The following PTDSS2 variants were observed in gnomAD, a reference collection of about 807,000 sequenced individuals.
PTDSS2 encodes phosphatidylserine synthase 2.
PTDSS2 carries 41 observed loss-of-function variants against 64.7 expected under a neutral mutation model. The observed-to-expected ratio is 0.63, with a 90% CI of 0.49 to 0.82. The LOEUF (loss-of-function observed/expected upper bound fraction) is 0.82. Ranked by LOEUF, PTDSS2 falls within the 40% of genes least tolerant of loss-of-function variation. The probability of loss-of-function intolerance (pLI) is 0.00; values close to 1 mark genes in which losing one functional copy is unlikely to be tolerated. For synonymous variants in PTDSS2, 297 were observed against 277.8 expected (o/e 1.07, Z -0.69); for missense variants, 485 against 650.0 (o/e 0.75, Z 2.76).
rs1474574474 is a variant in PTDSS2, at chr11:461,394, A to G, written c.284+1106A>G. Among the ~76,000 whole-genome samples, 1 of 152,098 alleles carries G rather than the reference A, an allele frequency of 6.6e-6. No individual in the cohort carries two copies. Among genetic ancestry groups the G allele is most frequent in the Non-Finnish European group, 1.5e-5 (1 of 68,016 alleles). On this transcript the variant is annotated intron_variant, in intron 2 of 11. Transcript: ENST00000308020. The surrounding 1 kb of genome is among the most constrained non-coding windows in gnomAD (Gnocchi z 4.2). ...GATGCTTTAGAATCACGCACAGCAGACCTCATAACTGAGTCCATCTCCCTG... is the reference window on the plus strand; with the variant it reads ...GATGCTTTAGAATCACGCACAGCAGGCCTCATAACTGAGTCCATCTCCCTG...
At chr11:485,608 C>T (rs1848321752) in intron 4 of PTDSS2, among the ~76,000 whole-genome samples, 1 of 130,402 alleles carries the variant, frequency 7.7e-6, no homozygotes, top group South Asian at 2.4e-4. Flanking sequence ...CGCGTGTGCT[C>T]ACTGCGCAGG....
At position 486,947 on chromosome 11, in the gene PTDSS2, G is replaced by A. The variant is rs1163322174; in HGVS notation, c.444G>A (p.Gln148=). 1.2e-6 allele frequency: 2 copies of A among 1,612,404 alleles called. No homozygotes were observed. Among genetic ancestry groups the A allele is most frequent in the Non-Finnish European group, 8.5e-7 (1 of 1,179,540 alleles). ...GGGCACTGGCCTTGCAGACTGTCCAGGACGGCCGGCAGTTTCTAAAGTATG... is the reference window on the plus strand; with the variant it reads ...GGGCACTGGCCTTGCAGACTGTCCAAGACGGCCGGCAGTTTCTAAAGTATG... The part of the protein sequence containing the change: ...FLIFILFQTV[Q]DGRQFLKYVD... The change falls in exon 5 of 12, where the codon CAG becomes CAA. Residue 148 remains glutamine, a synonymous_variant. Coordinates refer to ENST00000308020, the MANE Select transcript of PTDSS2 (RefSeq NM_030783.3).
chr11:450,170 C>A (rs1019414778), upstream of PTDSS2: 3 of 317,908 alleles, frequency 9.4e-6, no homozygotes, highest in Admixed American at 1.0e-4. Flanking sequence ...CAGGGCGGTC[C>A]GGCTCCGGTT....
chr11:482,285 C>T (rs934173821), intron 4 of PTDSS2, among the ~76,000 whole-genome samples: 6 of 145,904 alleles, frequency 4.1e-5, no homozygotes, highest in South Asian at 4.4e-4. Flanking sequence ...TGCAGTGGCA[C>T]GATCTTGGCT....
At chr11:451,268 C>A in intron 1 of PTDSS2, 1 of 382,838 alleles carries the variant, frequency 2.6e-6, no homozygotes, top group South Asian at 1.8e-5. Context: ...CCTTGGGGTC[C>A]CCCTGTCCGC....
At chr11:489,310 C>T in intron 8 of PTDSS2, 90 bp from the exon 9 acceptor site, 2 of 1,098,418 alleles carry the variant, frequency 1.8e-6, no homozygotes, top group Non-Finnish European at 2.7e-6. Context: ...CAGGGCGGGG[C>T]CGGGTGACCA....
At chr11:449,090 C>CG (rs368006081), upstream of PTDSS2, among the ~76,000 whole-genome samples, 1 of 114,154 alleles carries the variant, frequency 8.8e-6, no homozygotes, top group Admixed American at 9.9e-5. Flanking sequence ...TTTTTTGAGA[C>CG]GGAGTCTCGC....
chr11:451,426 GA>G (rs1301395152), intron 1 of PTDSS2: 2 of 446,604 alleles, frequency 4.5e-6, no homozygotes, highest in African/African-American at 2.0e-5. Flanking sequence ...TCCTCTGTGA[GA>G]AGGATCAAGC....
chr11:454,802 G>T (rs986599330), intron 1 of PTDSS2, among the ~76,000 whole-genome samples: 1 of 152,194 alleles, frequency 6.6e-6, no homozygotes, highest in African/African-American at 2.4e-5. Context: ...AAGAAAAAAA[G>T]AAGTCAAGTT....
chr11:454,884 G>C (rs931506936), intron 1 of PTDSS2, among the ~76,000 whole-genome samples: 67 of 152,326 alleles, frequency 4.4e-4, no homozygotes, highest in Admixed American at 4.6e-4. Flanking sequence ...TGGGACACAG[G>C]CTGCTCACCC....
At chr11:489,549 C>G (rs572596942) in intron 9 of PTDSS2, 35 bp downstream of exon 9, 2 of 1,608,420 alleles carry the variant, frequency 1.2e-6, no homozygotes, top group African/African-American at 1.3e-5. Context: ...GCGCGGCGGG[C>G]GGGGGGCCAG....
chr11:479,209 G>C lies in PTDSS2; in HGVS notation c.435+57G>C, dbSNP rs377085819. The C allele has an allele frequency of 1.4e-6, 2 of 1,423,844 alleles. No homozygotes were observed. The highest frequency in any genetic ancestry group is 2.3e-5 in the South Asian group (2 of 87,360). The allele number at this position is 1,423,844 out of a possible 1,614,324, so 88.2% of individuals were successfully genotyped here. On this transcript the variant is annotated intron_variant, in intron 4 of 11. Transcript: ENST00000308020. The surrounding 1 kb of genome is among the most constrained non-coding windows in gnomAD (Gnocchi z 4.2). ...AACTTAGGTGACAGTGTGGCCCCAG[G>C]CATGGTGACAAAGGAGGCCTTGCCC...
chr11:488,106 C>A, intron 6 of PTDSS2, 93 bp from the exon 7 acceptor site: 1 of 922,906 alleles, frequency 1.1e-6, no homozygotes, highest in Non-Finnish European at 1.7e-6. Flanking sequence ...GTCCCATACT[C>A]TGGCTGCCAG....
At position 479,012 on chromosome 11, in the gene PTDSS2, G is replaced by A; in HGVS notation, c.368-73G>A. On this transcript the variant is annotated intron_variant, in intron 3 of 11. Coordinates refer to ENST00000308020, the MANE Select transcript of PTDSS2 (RefSeq NM_030783.3). This position sits in a 1 kb window ranked among gnomAD's most constrained non-coding sequence, Gnocchi z 4.2. ...GACACTGGGTGTGAAGGAGCCAGGA[G>A]CCGGCCTGGGGCTGAGCGGGGCCGT... The A allele has an allele frequency of 7.9e-7, 1 of 1,273,534 alleles. No homozygotes were observed. The highest frequency in any genetic ancestry group is 1.1e-6 in the Non-Finnish European group (1 of 872,458). 78.9% of individuals were successfully genotyped at this position (1,273,534 alleles called of 1,614,324 possible).
At position 479,267 on chromosome 11, in the gene PTDSS2, C is replaced by T. The variant is rs561794968; in HGVS notation, c.435+115C>T. 2 of 920,748 alleles carry T rather than the reference C, an allele frequency of 2.2e-6. No individual in the cohort carries two copies. The highest frequency in any genetic ancestry group is 3.2e-5 in the African/African-American group (2 of 61,718). The allele number at this position is 920,748 out of a possible 1,614,324, so 57.0% of individuals were successfully genotyped here. A position where few individuals can be genotyped will look rare whatever the true frequency, so the allele number is the denominator to read the frequency against. On this transcript the variant is annotated intron_variant, in intron 4 of 11. Coordinates refer to ENST00000308020, the MANE Select transcript of PTDSS2 (RefSeq NM_030783.3). This position sits in a 1 kb window ranked among gnomAD's most constrained non-coding sequence, Gnocchi z 4.2. ...CCTCGAGTGATGGGAGGAAGCAGGG[C>T]TAGACCCCCACAAAGTAGGCCGAGC...
chr11:479,441 TAAG>T lies in PTDSS2; in HGVS notation c.435+290_435+292del, dbSNP rs1847972086. 1 of 516,140 alleles carries T rather than the reference TAAG, an allele frequency of 1.9e-6. No individual in the cohort carries two copies. Among genetic ancestry groups the T allele is most frequent in the Non-Finnish European group, 3.5e-6 (1 of 285,478 alleles). The allele number at this position is 516,140 out of a possible 1,614,324, so 32.0% of individuals were successfully genotyped here. A position where few individuals can be genotyped will look rare whatever the true frequency, so the allele number is the denominator to read the frequency against. ...TGTGGCCATTTAGCAGGGCCACACT[TAAG>T]GAGGGCAGGGCCAGTGGTGCAGGCA... On this transcript the variant is annotated intron_variant, in intron 4 of 11. Transcript: ENST00000308020. This position sits in a 1 kb window ranked among gnomAD's most constrained non-coding sequence, Gnocchi z 4.2.
rs1048729558 is a variant in PTDSS2, at chr11:470,105, A to G, written c.285-3790A>G. 3.9e-5 allele frequency among the ~76,000 whole-genome samples: 6 copies of G among 152,130 alleles called. No individual in the cohort carries two copies. Among genetic ancestry groups the G allele is most frequent in the Non-Finnish European group, 7.4e-5 (5 of 68,024 alleles). On this transcript the variant is annotated intron_variant, in intron 2 of 11. Transcript: ENST00000308020. This position sits in a 1 kb window ranked among gnomAD's most constrained non-coding sequence, Gnocchi z 5.3. ...CCAGGAGCTGGCGTGAGCTCCCGGC[A>G]CCGCTGTGCGCTGCGCGTGGTGACC...
chr11:449,938 A>G (rs183836137), upstream of PTDSS2, among the ~76,000 whole-genome samples: 26 of 152,204 alleles, frequency 1.7e-4, no homozygotes, highest in East Asian at 4.8e-3. Context: ...GCAGTGCGAG[A>G]CTCCGTCTCA....
chr11:451,420 CTG>C (rs1371216431), intron 1 of PTDSS2: 6 of 447,804 alleles, frequency 1.3e-5, no homozygotes, highest in African/African-American at 8.0e-5. Context: ...CGATGCTCCT[CTG>C]TGAGAAGGAT....
Sources: allele counts gnomAD v4.1 joint callset (sites outside exome capture counted in the v4.1 genomes callset), GRCh38; gene constraint gnomAD v4.1.1; non-coding constraint Gnocchi (gnomAD v3.1); transcripts MANE v1.5; gene names NCBI Gene and HGNC (gene_info 2026-07-23, HGNC 2026-07-21).